Variants in AHR observed in about 807,000 individuals in gnomAD.
AHR encodes aryl hydrocarbon receptor, also known as AH-receptor.
AHR carries 40 observed loss-of-function variants against 86.8 expected under a neutral mutation model. The observed-to-expected ratio is 0.46, with a 90% CI of 0.36 to 0.60. The LOEUF (loss-of-function observed/expected upper bound fraction) is 0.60. AHR is among the 20% of genes least tolerant of loss of function. The pLI is 0.00. For missense variants in AHR, 1,001 were observed against 1,011.6 expected, an observed-to-expected ratio of 0.99 and a Z score of 0.14; for synonymous variants, 398 against 354.9, an observed-to-expected ratio of 1.12 and a Z score of -1.37.
chr7:17,305,394 G>A (rs749000413), intron 1 of AHR, among the ~76,000 whole-genome samples: 10 of 152,170 alleles, frequency 6.6e-5, no homozygotes, highest in Non-Finnish European at 8.8e-5. Context: ...ATGGGGTTAA[G>A]AGTTGGGCTT....
chr7:17,325,902 A>G (rs1281015593), intron 3 of AHR, among the ~76,000 whole-genome samples: 1 of 152,210 alleles, frequency 6.6e-6, no homozygotes, highest in African/African-American at 2.4e-5. Flanking sequence ...TCATGACACA[A>G]GTTTACCTAT....
At chr7:17,305,724 A>C (rs147798691) in intron 1 of AHR, among the ~76,000 whole-genome samples, 1 of 151,286 alleles carries the variant, frequency 6.6e-6, no homozygotes, top group East Asian at 1.9e-4. Flanking sequence ...ATATCTTTGC[A>C]TGTCATTTTG....
At chr7:17,310,728 G>T (rs1006226198) in intron 2 of AHR, among the ~76,000 whole-genome samples, 8 of 151,858 alleles carry the variant, frequency 5.3e-5, no homozygotes, top group African/African-American at 1.9e-4. Flanking sequence ...TAGAGATGGG[G>T]TTTCACTATA....
chr7:17,336,499 G>C (rs1782356022), intron 9 of AHR, among the ~76,000 whole-genome samples: 2 of 151,968 alleles, frequency 1.3e-5, no homozygotes, highest in South Asian at 4.2e-4. Context: ...TGCCTTTTTT[G>C]TTCTCCTTCA....
rs1781924789 is a variant in AHR at position 17,299,114 on chromosome 7, GC to G, written c.-148del. 2 of 780,162 alleles carry G rather than the reference GC, an allele frequency of 2.6e-6. No homozygotes were observed. The highest frequency in any genetic ancestry group is 3.8e-6 in the Non-Finnish European group (2 of 531,956). The allele number at this position is 780,162 out of a possible 1,614,324, so 48.3% of individuals were successfully genotyped here. A position where few individuals can be genotyped will look rare whatever the true frequency, so the allele number is the denominator to read the frequency against. ...GTGAGCCGAGGCGTTGAGGCGCGGC[GC>G]CCACGCCACTGTCCCGAGAGGACGC... On this transcript the variant is annotated 5_prime_UTR_variant, in exon 1 of 11. Coordinates refer to ENST00000242057, the MANE Select transcript of AHR (RefSeq NM_001621.5).
intron 1 of AHR, among the ~76,000 whole-genome samples, chr7:17,299,582 C>T (rs1425449553): frequency 6.6e-6 from 1 of 152,264 alleles, no homozygotes; most frequent in Non-Finnish European, 1.5e-5. Flanking sequence ...CACACCCTCT[C>T]ACATTTGCAA....
chr7:17,302,182 G>A (rs1198139141), intron 1 of AHR, among the ~76,000 whole-genome samples: 5 of 151,754 alleles, frequency 3.3e-5, no homozygotes, highest in African/African-American at 1.2e-4. Context: ...AGCACTGAAT[G>A]TTGGCAAATA....
At chr7:17,333,564 T>C (rs555011114) in intron 6 of AHR, among the ~76,000 whole-genome samples, 6 of 152,130 alleles carry the variant, frequency 3.9e-5, no homozygotes, top group African/African-American at 1.4e-4. Context: ...TTTAGGACTT[T>C]ATCACCATTC....
intron 2 of AHR, 101 bp from the exon 3 acceptor site, chr7:17,322,400 C>T (rs547074171): frequency 2.8e-6 from 2 of 705,314 alleles, no homozygotes; most frequent in African/African-American, 1.8e-5. Flanking sequence ...CAGTGGATGC[C>T]AGTATTTCAA....
chr7:17,305,852 G>A (rs1311220667), intron 1 of AHR, among the ~76,000 whole-genome samples: 1 of 152,044 alleles, frequency 6.6e-6, no homozygotes, highest in African/African-American at 2.4e-5. Flanking sequence ...TTTTTTGATG[G>A]AGATGTTAAA....
rs183196198 is a variant in AHR at position 17,307,896 on chromosome 7, G to T, written c.66-2040G>T. On this transcript the variant is annotated intron_variant, in intron 1 of 10. Transcript: ENST00000242057. ...TGTCTCCTCTATCTTGAACATTTTT[G>T]CATCAGACACCCACATAGCTCACTT... 3.6e-3 allele frequency among the ~76,000 whole-genome samples: 542 copies of T among 151,988 alleles called. 5 individuals are homozygous for T. The highest frequency in any genetic ancestry group is 0.012 in the African/African-American group (500 of 41,448).
At chr7:17,310,200 A>G (rs1782048197) in intron 2 of AHR, 77 bp downstream of exon 2, 2 of 1,348,608 alleles carry the variant, frequency 1.5e-6, no homozygotes, top group Admixed American at 4.2e-5. Context: ...TTCTGTGTTA[A>G]TAACTACAAA....
chr7:17,307,283 C>A (rs1199427247), intron 1 of AHR, among the ~76,000 whole-genome samples: 2 of 152,074 alleles, frequency 1.3e-5, no homozygotes, highest in African/African-American at 4.8e-5. Context: ...ACCAAGAGTG[C>A]AGGACTGGAT....
At chr7:17,300,409 A>G (rs183747621) in intron 1 of AHR, among the ~76,000 whole-genome samples, 2 of 152,346 alleles carry the variant, frequency 1.3e-5, no homozygotes, top group East Asian at 1.9e-4. Context: ...GACTCCAACT[A>G]TCACTAATGG....
intron 5 of AHR, 79 bp downstream of exon 5, chr7:17,330,154 G>T: frequency 1.5e-6 from 2 of 1,354,712 alleles, no homozygotes; most frequent in South Asian, 1.3e-5. Flanking sequence ...AACCTGTAGG[G>T]TCATAGAACT....
At chr7:17,312,258 A>G (rs1782073040) in intron 2 of AHR, among the ~76,000 whole-genome samples, 1 of 152,348 alleles carries the variant, frequency 6.6e-6, no homozygotes, top group African/African-American at 2.4e-5. Context: ...CTAGAAGCCA[A>G]GGAGGCATTA....
chr7:17,326,428 A>G (rs1388161254), intron 3 of AHR, among the ~76,000 whole-genome samples: 1 of 152,188 alleles, frequency 6.6e-6, no homozygotes, highest in East Asian at 1.9e-4. Flanking sequence ...TAACTCTTAA[A>G]TCCCAGTACT....
intron 9 of AHR, among the ~76,000 whole-genome samples, chr7:17,337,638 C>A (rs1256535200): frequency 3.3e-5 from 5 of 151,574 alleles, no homozygotes; most frequent in Non-Finnish European, 5.9e-5. Context: ...CTACGCCCGG[C>A]TAATTTTTTT....
rs1171520439 is a variant in AHR at position 17,299,215 on chromosome 7, G to A, written c.-50G>A. On this transcript the variant is annotated 5_prime_UTR_variant, in exon 1 of 11. Coordinates refer to ENST00000242057, the MANE Select transcript of AHR (RefSeq NM_001621.5). ...GTCCCAGCCTACACCGGGTTCCGGG[G>A]ACCCGGCCGCCAGTGCCCGGGGAGT... The A allele has an allele frequency of 6.3e-7, 1 of 1,592,650 alleles. No homozygotes were observed. The highest frequency in any genetic ancestry group is 1.1e-5 in the South Asian group (1 of 88,896).
Sources: allele counts gnomAD v4.1 joint callset (sites outside exome capture counted in the v4.1 genomes callset), GRCh38; gene constraint gnomAD v4.1.1; transcripts MANE v1.5; gene names NCBI Gene and HGNC (gene_info 2026-07-23, HGNC 2026-07-21).